CPS1: variants seen among roughly 807,000 people sequenced by gnomAD.
CPS1 encodes carbamoyl-phosphate synthase 1.
In CPS1, 109 loss-of-function variants were observed where a neutral mutation model predicts 174.6. That is an observed-to-expected ratio of 0.62 (90% CI 0.53 to 0.73). CPS1 has a LOEUF of 0.73. Ranked by LOEUF, CPS1 falls within the 30% of genes least tolerant of loss-of-function variation. The probability of loss-of-function intolerance (pLI) is 0.00; values close to 1 mark genes in which losing one functional copy is unlikely to be tolerated. For missense variants in CPS1, 1,689 were observed against 1,821.9 expected, an observed-to-expected ratio of 0.93 and a Z score of 1.33; for synonymous variants, 637 against 632.0, an observed-to-expected ratio of 1.01 and a Z score of -0.12.
At chr2:210,518,929 T>G (rs1313852043) in intron 1 of CPS1, among the ~76,000 whole-genome samples, 1 of 152,056 alleles carries the variant, frequency 6.6e-6, no homozygotes, top group East Asian at 1.9e-4. Flanking sequence ...CTTGTGTTTT[T>G]TAAGGTTTTT....
Position 210,660,770 on chromosome 2 carries a change from G to A in CPS1, c.3927+115G>A, listed in dbSNP as rs1416501952. The A allele has an allele frequency of 6.9e-6, 7 of 1,010,926 alleles. 1 individual carries two copies. The highest frequency in any genetic ancestry group is 1.4e-5 in the South Asian group (1 of 72,172). 62.6% of individuals were successfully genotyped at this position (1,010,926 alleles called of 1,614,324 possible). ...ACCTTCTAACTAAAGGGTTGGACTA[G>A]GGATTTACATTTCCTTTCAATAATG... On this transcript the variant is annotated intron_variant, in intron 32 of 37. Transcript: ENST00000233072.
intron 1 of CPS1, among the ~76,000 whole-genome samples, chr2:210,483,171 C>A (rs186294829): frequency 1.3e-5 from 2 of 151,990 alleles, no homozygotes; most frequent in East Asian, 3.9e-4. Context: ...AGCAAAGTAA[C>A]GCTGAGGGTA....
At chr2:210,526,963 A>T (rs1192785227) in intron 1 of CPS1, among the ~76,000 whole-genome samples, 3 of 151,952 alleles carry the variant, frequency 2.0e-5, no homozygotes, top group African/African-American at 7.2e-5. Context: ...GTTTTTACAG[A>T]TTTGCAGAAA....
chr2:210,566,302 T>G (rs2106057747), intron 1 of CPS1, among the ~76,000 whole-genome samples: 1 of 152,292 alleles, frequency 6.6e-6, no homozygotes, highest in East Asian at 1.9e-4. Context: ...GTGGATCTCC[T>G]TATTCATCAC....
rs1695354894 is a variant in CPS1 at position 210,508,558 on chromosome 2, A to G, written c.3+30792A>G. ...CAGAACTGAAGGAAATAGAGACACAAAAAACCCTTCAAAAAATCAATGAAT... is the reference window on the plus strand; with the variant it reads ...CAGAACTGAAGGAAATAGAGACACAGAAAACCCTTCAAAAAATCAATGAAT... On this transcript the variant is annotated intron_variant, in intron 1 of 38. Transcript: ENST00000430249. Among the ~76,000 whole-genome samples the G allele has an allele frequency of 1.3e-5, 2 of 152,196 alleles. 1 individual carries two copies. The highest frequency in any genetic ancestry group is 4.1e-4 in the South Asian group (2 of 4,824).
chr2:210,639,053 G>A (rs1229739012), intron 22 of CPS1, 97 bp from the exon 23 acceptor site: 14 of 855,334 alleles, frequency 1.6e-5, no homozygotes, highest in Admixed American at 4.0e-5. Flanking sequence ...ACAGTAATAG[G>A]AATTAAAGGA....
intron 20 of CPS1, among the ~76,000 whole-genome samples, chr2:210,613,574 G>GTATA (rs943050348): frequency 1.3e-5 from 2 of 150,666 alleles, no homozygotes; most frequent in Non-Finnish European, 3.0e-5. Flanking sequence ...GTGTGTGTGT[G>GTATA]TATATATATA....
chr2:210,676,286 T>G (rs1452438460), intron 36 of CPS1, among the ~76,000 whole-genome samples: 1 of 152,228 alleles, frequency 6.6e-6, no homozygotes, highest in Non-Finnish European at 1.5e-5. Flanking sequence ...ACCTAATTGG[T>G]CATTCCTTGA....
intron 2 of CPS1, among the ~76,000 whole-genome samples, chr2:210,573,686 G>A (rs1574540587): frequency 6.6e-6 from 1 of 152,010 alleles, no homozygotes; most frequent in African/African-American, 2.4e-5. Flanking sequence ...TGAGGACACA[G>A]GTTATGTGAG....
At chr2:210,576,160 C>T (rs1697703579) in intron 2 of CPS1, among the ~76,000 whole-genome samples, 186 bp from the exon 3 acceptor site, 1 of 152,058 alleles carries the variant, frequency 6.6e-6, no homozygotes, top group African/African-American at 2.4e-5. Context: ...TTCTTTATAT[C>T]AATGACATCG....
chr2:210,504,427 G>A (rs1695225919), intron 1 of CPS1, among the ~76,000 whole-genome samples: 1 of 152,204 alleles, frequency 6.6e-6, no homozygotes, highest in African/African-American at 2.4e-5. Flanking sequence ...CTTGTCATAT[G>A]TTGTGTCATT....
chr2:210,583,938 T>C (rs139006155), intron 6 of CPS1, among the ~76,000 whole-genome samples: 1 of 152,216 alleles, frequency 6.6e-6, no homozygotes, highest in Non-Finnish European at 1.5e-5. Flanking sequence ...CCTAGGCCGC[T>C]TATACAAATG....
chr2:210,634,199 G>A (rs1699959188), intron 21 of CPS1, among the ~76,000 whole-genome samples: 1 of 152,218 alleles, frequency 6.6e-6, no homozygotes, highest in African/African-American at 2.4e-5. Flanking sequence ...GGGAGGCCGA[G>A]GCAGGCGGAT....
At chr2:210,600,155 G>T (rs537259961) in intron 14 of CPS1, among the ~76,000 whole-genome samples, 1 of 151,546 alleles carries the variant, frequency 6.6e-6, no homozygotes, top group East Asian at 2.0e-4. Flanking sequence ...TGGCTAGGTA[G>T]TGGAAACACA....
intron 1 of CPS1, among the ~76,000 whole-genome samples, chr2:210,537,810 CAT>C (rs10543084): frequency 0.016 from 2,374 of 152,238 alleles, 53 homozygotes; most frequent in African/African-American, 0.054. Flanking sequence ...TCCTACAAGA[CAT>C]GTGCTGTTTC....
chr2:210,531,271 A>G (rs1011555626), intron 1 of CPS1, among the ~76,000 whole-genome samples: 5 of 152,094 alleles, frequency 3.3e-5, no homozygotes. Flanking sequence ...TGGAGAACAG[A>G]TAATTCTCTG....
intron 31 of CPS1, among the ~76,000 whole-genome samples, chr2:210,659,164 A>T (rs142115494): frequency 2.3e-4 from 35 of 152,306 alleles, no homozygotes; most frequent in African/African-American, 8.2e-4. Context: ...GTGTTGCTAT[A>T]ACAGAATACT....
At chr2:210,612,709 T>A (rs1369653405) in intron 20 of CPS1, among the ~76,000 whole-genome samples, 2 of 151,986 alleles carry the variant, frequency 1.3e-5, no homozygotes, top group Admixed American at 1.3e-4. Flanking sequence ...CCTTAGTATG[T>A]GCCACTTGAG....
intron 1 of CPS1, among the ~76,000 whole-genome samples, chr2:210,544,780 TA>T (rs1259410632): frequency 6.6e-6 from 1 of 152,010 alleles, no homozygotes; most frequent in Non-Finnish European, 1.5e-5. Context: ...TATAATATAA[TA>T]GGTATGTAAA....
Sources: gnomAD v4.1 joint callset for allele counts (sites outside exome capture counted in the v4.1 genomes callset) on GRCh38, gnomAD v4.1.1 for gene constraint, MANE v1.5 for transcripts, NCBI Gene and HGNC (gene_info 2026-07-23, HGNC 2026-07-21) for gene names.